Variants in PTPRD observed in about 807,000 individuals in gnomAD.
PTPRD encodes receptor-type tyrosine-protein phosphatase delta.
Under a neutral mutation model 214.5 loss-of-function variants are expected in PTPRD, and 34 were observed. The ratio of observed to expected loss-of-function variants is 0.16; its 90% CI spans 0.12 to 0.21. PTPRD has a LOEUF of 0.21. Ranked by LOEUF, PTPRD falls within the 10% of genes least tolerant of loss-of-function variation. The probability of loss-of-function intolerance (pLI) is 1.00; values close to 1 mark genes in which losing one functional copy is unlikely to be tolerated. For missense variants in PTPRD, 2,545 were observed against 2,398.7 expected (o/e 1.06, Z -1.27); for synonymous variants, 1,128 against 845.7 (o/e 1.33, Z -5.79).
intron 8 of PTPRD, among the ~76,000 whole-genome samples, chr9:9,413,756 G>A (rs1244536365): frequency 6.6e-6 from 1 of 152,088 alleles, no homozygotes; most frequent in Non-Finnish European, 1.5e-5. Context: ...CACAGGAGAG[G>A]GATATCTGTC....
chr9:10,003,837 A>C (rs1166434057), intron 4 of PTPRD, among the ~76,000 whole-genome samples: 1 of 151,708 alleles, frequency 6.6e-6, no homozygotes, highest in Non-Finnish European at 1.5e-5. Flanking sequence ...CAAATTCTAA[A>C]TTTTTTTAAT....
intron 3 of PTPRD, among the ~76,000 whole-genome samples, chr9:10,054,493 T>C (rs1351897711): frequency 1.3e-5 from 2 of 152,168 alleles, no homozygotes; most frequent in African/African-American, 4.8e-5. Context: ...GTCCATTTTC[T>C]TAGAGCACTT....
chr9:9,571,181 G>A (rs192605166), intron 8 of PTPRD, among the ~76,000 whole-genome samples: 72 of 151,454 alleles, frequency 4.8e-4, no homozygotes, highest in Non-Finnish European at 8.7e-4. Flanking sequence ...ATGTATGTTT[G>A]CATAACTGAT....
At chr9:9,451,533 C>A (rs1249749597) in intron 8 of PTPRD, among the ~76,000 whole-genome samples, 1 of 151,490 alleles carries the variant, frequency 6.6e-6, no homozygotes, top group Non-Finnish European at 1.5e-5. Flanking sequence ...ATGGTTTACC[C>A]AGTAAAATGT....
At chr9:9,437,744 G>GAGATCT in intron 8 of PTPRD, among the ~76,000 whole-genome samples, 3 of 152,136 alleles carry the variant, frequency 2.0e-5, no homozygotes, top group Admixed American at 2.0e-4. Context: ...GATTTGACAC[G>GAGATCT]GGACTGAGAT....
At chr9:10,178,086 T>C (rs2099260034) in intron 3 of PTPRD, among the ~76,000 whole-genome samples, 1 of 151,894 alleles carries the variant, frequency 6.6e-6, no homozygotes. Flanking sequence ...CCCTCTAGAC[T>C]GCATTAGTGA....
At chr9:8,549,074 A>AG (rs1448484512) in intron 14 of PTPRD, among the ~76,000 whole-genome samples, 2 of 152,186 alleles carry the variant, frequency 1.3e-5, no homozygotes, top group Non-Finnish European at 2.9e-5. Flanking sequence ...AGTGCAGTGA[A>AG]GGGGGACAAA....
chr9:10,359,779 C>G (rs1189467440), intron 2 of PTPRD, among the ~76,000 whole-genome samples: 5 of 152,078 alleles, frequency 3.3e-5, no homozygotes, highest in Admixed American at 3.3e-4. Context: ...TTAGTGTACA[C>G]TAGGGGATAC....
chr9:9,040,920 C>G (rs977527753), intron 10 of PTPRD, among the ~76,000 whole-genome samples: 4 of 152,082 alleles, frequency 2.6e-5, no homozygotes, highest in Non-Finnish European at 5.9e-5. Flanking sequence ...CTTTTAGAAA[C>G]AGAACTGGTC....
intron 8 of PTPRD, among the ~76,000 whole-genome samples, chr9:9,533,212 T>C (rs1004108169): frequency 5.3e-5 from 8 of 152,138 alleles, no homozygotes; most frequent in Non-Finnish European, 1.0e-4. Flanking sequence ...AGTCCATAGA[T>C]ATCAAACCTG....
intron 7 of PTPRD, among the ~76,000 whole-genome samples, chr9:9,591,011 C>T (rs1400746636): frequency 6.6e-6 from 1 of 151,956 alleles, no homozygotes; most frequent in Non-Finnish European, 1.5e-5. Context: ...AGCACGACCC[C>T]CTAAAGGTGT....
chr9:9,555,141 A>G (rs2081213953), intron 8 of PTPRD, among the ~76,000 whole-genome samples: 1 of 152,106 alleles, frequency 6.6e-6, no homozygotes. Flanking sequence ...CTGTGTTTGT[A>G]ATACTGCCAA....
rs1459691037 is a variant in PTPRD, at chr9:9,320,514, G to C, written c.-203+76935C>G. On this transcript the variant is annotated intron_variant, in intron 9 of 45. Coordinates refer to ENST00000381196, the MANE Select transcript of PTPRD (RefSeq NM_002839.4). ...TATAAATGATTGGGGAGTCCTCCTG[G>C]TCTCTGTTCACACTTCACTTACATC... 2.0e-5 allele frequency among the ~76,000 whole-genome samples: 3 copies of C among 152,050 alleles called. No homozygotes were observed. In the East Asian group the frequency reaches 5.8e-4, roughly 29 times the overall value.
At chr9:9,374,435 T>G (rs189625358) in intron 9 of PTPRD, among the ~76,000 whole-genome samples, 1 of 151,982 alleles carries the variant, frequency 6.6e-6, no homozygotes, top group African/African-American at 2.4e-5. Flanking sequence ...TCTGGGAAAA[T>G]TGAAAGGAGC....
intron 9 of PTPRD, among the ~76,000 whole-genome samples, chr9:9,328,048 T>G (rs2780069): frequency 0.52 from 79,614 of 151,928 alleles, 22,013 homozygotes; most frequent in African/African-American, 0.71. Context: ...AGTTTTTGTG[T>G]TGTCTGTTGA....
intron 6 of PTPRD, among the ~76,000 whole-genome samples, chr9:9,758,508 T>A (rs2098611735): frequency 6.6e-6 from 1 of 152,092 alleles, no homozygotes; most frequent in Admixed American, 6.5e-5. Context: ...CAAATGATTG[T>A]GAGAGAGGCA....
At chr9:9,709,554 T>C (rs1417843023) in intron 7 of PTPRD, among the ~76,000 whole-genome samples, 2 of 152,052 alleles carry the variant, frequency 1.3e-5, no homozygotes, top group African/African-American at 2.4e-5. Flanking sequence ...TTCATTTCCA[T>C]TTCACATAAG....
chr9:9,182,023 A>T (rs937568421), intron 10 of PTPRD, among the ~76,000 whole-genome samples: 3 of 152,094 alleles, frequency 2.0e-5, no homozygotes, highest in Non-Finnish European at 4.4e-5. Context: ...ACACAGAGGA[A>T]TTCAAAAGAA....
intron 7 of PTPRD, among the ~76,000 whole-genome samples, chr9:9,686,913 G>T (rs776777044): frequency 4.0e-5 from 6 of 151,590 alleles, no homozygotes; most frequent in Non-Finnish European, 7.4e-5. Flanking sequence ...CAATATGTCT[G>T]GCCTGTTGCT....
Sources: allele counts gnomAD v4.1 joint callset (sites outside exome capture counted in the v4.1 genomes callset), GRCh38; gene constraint gnomAD v4.1.1; transcripts MANE v1.5; gene names NCBI Gene and HGNC (gene_info 2026-07-23, HGNC 2026-07-21).